The following UST variants were observed in gnomAD, a reference collection of about 807,000 sequenced individuals.
UST encodes the protein chondroitin sulfate 2-O-sulfotransferase.
A neutral mutation model predicts 45.6 loss-of-function variants in UST; 21 were observed. That is an observed-to-expected ratio of 0.46 (90% CI 0.33 to 0.66). The LOEUF is 0.66. UST is among the 30% of genes least tolerant of loss of function. The pLI, the probability that UST is intolerant of heterozygous loss-of-function variation, is 0.02. For missense variants in UST, 463 were observed against 512.4 expected, an observed-to-expected ratio of 0.90 and a Z score of 0.93; for synonymous variants, 215 against 200.6, an observed-to-expected ratio of 1.07 and a Z score of -0.61.
At chr6:149,040,985 G>T (rs568887465) in intron 7 of UST, among the ~76,000 whole-genome samples, 1 of 152,262 alleles carries the variant, frequency 6.6e-6, no homozygotes, top group African/African-American at 2.4e-5. Flanking sequence ...GTGCATCCCC[G>T]TAAGACCCTG....
intron 2 of UST, 51 bp downstream of exon 2, chr6:148,887,080 C>T (rs1478876628): frequency 1.4e-6 from 2 of 1,403,516 alleles, no homozygotes; most frequent in Non-Finnish European, 2.0e-6. Flanking sequence ...ATCTTACTTA[C>T]AGCCTCCAAC....
chr6:148,842,720 C>T (rs1160539830), intron 1 of UST, among the ~76,000 whole-genome samples: 1 of 152,092 alleles, frequency 6.6e-6, no homozygotes, highest in Non-Finnish European at 1.5e-5. Context: ...AGACCATTTC[C>T]TCGGCAGGCA....
At chr6:149,014,261 G>A (rs1013412615) in intron 5 of UST, among the ~76,000 whole-genome samples, 1 of 152,222 alleles carries the variant, frequency 6.6e-6, no homozygotes, top group Non-Finnish European at 1.5e-5. Flanking sequence ...AGGTGGGTGG[G>A]AAGGTTATTT....
chr6:148,865,729 G>A (rs1299039735), intron 1 of UST, among the ~76,000 whole-genome samples: 4 of 146,736 alleles, frequency 2.7e-5, no homozygotes, highest in Admixed American at 6.9e-5. Context: ...CAGAGAAGAG[G>A]CAAATTAATG....
chr6:148,895,502 C>G lies in UST; in HGVS notation c.291+8473C>G, dbSNP rs190192034. 5.9e-5 allele frequency among the ~76,000 whole-genome samples: 9 copies of G among 152,264 alleles called. No individual in the cohort carries two copies. In the East Asian group the frequency reaches 1.7e-3, roughly 29 times the overall value. ...CAGGAAACTTCTCAGCCTAACTAACCGTTAGGCTAACAATATGATACAGTT... is the reference window on the plus strand; with the variant it reads ...CAGGAAACTTCTCAGCCTAACTAACGGTTAGGCTAACAATATGATACAGTT... On this transcript the variant is annotated intron_variant, in intron 2 of 7. Coordinates refer to ENST00000367463, the MANE Select transcript of UST (RefSeq NM_005715.3).
At chr6:149,025,586 C>T (rs776198106) in intron 7 of UST, among the ~76,000 whole-genome samples, 24 of 152,160 alleles carry the variant, frequency 1.6e-4, no homozygotes, top group Non-Finnish European at 2.6e-4. Context: ...CAGGTTTACT[C>T]GGTAGAAGCA....
chr6:149,063,479 G>T (rs569708358), intron 7 of UST, among the ~76,000 whole-genome samples: 1 of 152,304 alleles, frequency 6.6e-6, no homozygotes, highest in East Asian at 1.9e-4. Context: ...GCAGAAAAAT[G>T]TGCCTTGCCA....
At chr6:149,000,154 C>G (rs1349068316) in intron 5 of UST, among the ~76,000 whole-genome samples, 1 of 152,142 alleles carries the variant, frequency 6.6e-6, no homozygotes, top group Non-Finnish European at 1.5e-5. Flanking sequence ...GGGTGAGAAG[C>G]CACACTTCCC....
intron 5 of UST, among the ~76,000 whole-genome samples, chr6:149,002,537 C>T (rs1178589883): frequency 1.3e-5 from 2 of 152,004 alleles, no homozygotes; most frequent in Non-Finnish European, 2.9e-5. Context: ...GATGGTGTCT[C>T]ACTCTGTCAC....
intron 1 of UST, among the ~76,000 whole-genome samples, chr6:148,778,967 C>A (rs1207092521): frequency 6.6e-6 from 1 of 152,140 alleles, no homozygotes; most frequent in Non-Finnish European, 1.5e-5. Flanking sequence ...CACAGCAGCT[C>A]AGCCCATTGC....
intron 5 of UST, among the ~76,000 whole-genome samples, chr6:149,017,799 T>TATATATATATATATATACAC (rs956279478): frequency 1.5e-4 from 23 of 148,916 alleles, no homozygotes; most frequent in African/African-American, 5.7e-4. Context: ...TATCCATATA[T>TATATATATATATATATACAC]ACACACACAC....
intron 7 of UST, among the ~76,000 whole-genome samples, chr6:149,061,206 C>T (rs896976347): frequency 6.6e-6 from 1 of 152,144 alleles, no homozygotes. Flanking sequence ...ATTGTTTATT[C>T]TGGCCCAGAG....
chr6:148,964,707 G>A (rs1309481029), intron 5 of UST, 144 bp downstream of exon 5: 1 of 1,040,060 alleles, frequency 9.6e-7, no homozygotes, highest in South Asian at 1.7e-5. Flanking sequence ...TCCGCAGGAA[G>A]GAGGTCTTGG....
intron 2 of UST, among the ~76,000 whole-genome samples, chr6:148,924,997 G>A (rs1003813518): frequency 3.9e-5 from 6 of 152,142 alleles, no homozygotes; most frequent in Non-Finnish European, 8.8e-5. Flanking sequence ...TCATGTTTAT[G>A]TTGAATTCCT....
intron 1 of UST, among the ~76,000 whole-genome samples, chr6:148,772,517 G>T (rs1448984882): frequency 6.6e-6 from 1 of 151,932 alleles, no homozygotes; most frequent in Non-Finnish European, 1.5e-5. Context: ...CTGCCTCCTG[G>T]GTTCAAGCGA....
chr6:149,024,520 G>T (rs769539772), intron 7 of UST, among the ~76,000 whole-genome samples: 1 of 151,322 alleles, frequency 6.6e-6, no homozygotes, highest in Non-Finnish European at 1.5e-5. Context: ...ACAAGTTTCC[G>T]TGTCCCCTGA....
intron 5 of UST, among the ~76,000 whole-genome samples, chr6:148,980,299 G>T (rs182690189): frequency 6.6e-6 from 1 of 151,788 alleles, no homozygotes; most frequent in Non-Finnish European, 1.5e-5. Context: ...TTTTTTCTTA[G>T]AATGTCTCTC....
intron 5 of UST, among the ~76,000 whole-genome samples, chr6:148,994,398 G>C (rs1212775346): frequency 1.3e-5 from 2 of 152,148 alleles, no homozygotes; most frequent in South Asian, 4.1e-4. Flanking sequence ...AGAAAATGTT[G>C]GTTCTGATAG....
intron 1 of UST, among the ~76,000 whole-genome samples, chr6:148,773,808 A>G (rs1380677651): frequency 1.3e-5 from 2 of 152,220 alleles, no homozygotes; most frequent in East Asian, 1.9e-4. Context: ...GTGGGGCGCC[A>G]TGAACGCAAA....
Sources: allele counts gnomAD v4.1 joint callset (sites outside exome capture counted in the v4.1 genomes callset), GRCh38; gene constraint gnomAD v4.1.1; transcripts MANE v1.5; gene names NCBI Gene and HGNC (gene_info 2026-07-23, HGNC 2026-07-21).